COL19A1: variants seen among roughly 807,000 people sequenced by gnomAD.
COL19A1 encodes collagen type XIX alpha 1 chain, also known as collagen alpha-1(XIX) chain.
COL19A1 carries 159 observed loss-of-function variants against 190.2 expected under a neutral mutation model. That is an observed-to-expected ratio of 0.84 (90% CI 0.73 to 0.95). The LOEUF is 0.95. Ranked by LOEUF, COL19A1 falls within the 40% of genes least tolerant of loss-of-function variation. COL19A1 has a pLI of 0.00. For missense variants in COL19A1, 1,418 were observed against 1,431.9 expected (o/e 0.99, Z 0.16); for synonymous variants, 509 against 458.9 (o/e 1.11, Z -1.39).
rs1244588364 is a variant in COL19A1, at chr6:70,206,952, G to A, written c.3275G>A (p.Gly1092Glu). The change falls in exon 50 of 51, where the codon GGG becomes GAG. Residue 1092 changes from glycine to glutamate, a missense_variant. Transcript: ENST00000620364. Reference protein sequence around the residue: ...ERGEPGIGLPGSPGLPGTSAL... With the variant: ...ERGEPGIGLPESPGLPGTSAL... ...GGTGAACCTGGAATTGGGCTGCCAG[G>A]GAGTCCAGGTCTTCCTGGGACTTCA... is the stretch of plus-strand genomic sequence containing the variant. The A allele has an allele frequency of 3.7e-6, 6 of 1,613,856 alleles. No individual in the cohort carries two copies. Among genetic ancestry groups the A allele is most frequent in the African/African-American group, 1.3e-5 (1 of 74,992 alleles).
chr6:70,034,120 C>G, intron 12 of COL19A1, 125 bp from the exon 13 acceptor site: 1 of 703,384 alleles, frequency 1.4e-6, no homozygotes, highest in Non-Finnish European at 2.5e-6. Flanking sequence ...CTCTATTTCT[C>G]TCTATACTAC....
intron 4 of COL19A1, among the ~76,000 whole-genome samples, chr6:69,913,174 A>G (rs1487927506): frequency 6.6e-6 from 1 of 152,188 alleles, no homozygotes; most frequent in African/African-American, 2.4e-5. Flanking sequence ...TTTACCCACA[A>G]TAAGAATGTA....
At chr6:70,179,737 A>G (rs111318416) in intron 42 of COL19A1, among the ~76,000 whole-genome samples, 3 of 152,252 alleles carry the variant, frequency 2.0e-5, no homozygotes, top group African/African-American at 7.2e-5. Context: ...TTGGGCTAAT[A>G]TTTTCAAAAA....
At chr6:70,023,533 A>G in intron 11 of COL19A1, 94 bp from the exon 12 acceptor site, 1 of 979,492 alleles carries the variant, frequency 1.0e-6, no homozygotes, top group Non-Finnish European at 1.5e-6. Context: ...AAGTAATCAT[A>G]TTGTTATAAA....
rs190533935 is a variant in COL19A1, at chr6:69,897,191, G to T, written c.92-1757G>T. On this transcript the variant is annotated intron_variant, in intron 2 of 50. Coordinates refer to ENST00000620364, the MANE Select transcript of COL19A1 (RefSeq NM_001858.6). Reference sequence around the variant, plus strand: ...AAGGTTCAACATTCAGTGTTTTTCTGTATGGATATTCTGTTGACCCAGCAC... The same window carrying T: ...AAGGTTCAACATTCAGTGTTTTTCTTTATGGATATTCTGTTGACCCAGCAC... Among the ~76,000 whole-genome samples, 8 of 152,216 alleles carry T rather than the reference G, an allele frequency of 5.3e-5. No homozygotes were observed. In the East Asian group the frequency reaches 9.6e-4, roughly 18 times the overall value.
At position 70,146,670 on chromosome 6, in the gene COL19A1, A is replaced by G. The variant is rs746728299; in HGVS notation, c.1782A>G (p.Gly594=). 4 of 1,607,258 alleles carry G rather than the reference A, an allele frequency of 2.5e-6. No homozygotes were observed. In the South Asian group the frequency reaches 4.5e-5, roughly 18 times the overall value. The change falls in exon 26 of 51, where the codon GGA becomes GGG. Residue 594 remains glycine, a synonymous_variant. Transcript: ENST00000620364. ...TTTTTTTCTTTTAGGGATTAGATGG[A>G]AATCCTGGAGCACCTGGTCCACGTG... is the stretch of plus-strand genomic sequence containing the variant. The part of the protein sequence containing the change: ...KSLPGEPGLD[G]NPGAPGPRGP...
At chr6:69,909,833 G>T (rs1202133566) in intron 4 of COL19A1, among the ~76,000 whole-genome samples, 1 of 152,056 alleles carries the variant, frequency 6.6e-6, no homozygotes, top group Non-Finnish European at 1.5e-5. Flanking sequence ...TAGGTAATAG[G>T]CCTCTCATAT....
chr6:69,938,184 T>C, intron 9 of COL19A1, 84 bp downstream of exon 9: 1 of 1,276,050 alleles, frequency 7.8e-7, no homozygotes, highest in Non-Finnish European at 1.1e-6. Context: ...TTTTTCTTTA[T>C]TCTGTACAAA....
intron 1 of COL19A1, among the ~76,000 whole-genome samples, chr6:69,876,459 A>G (rs1039495180): frequency 3.9e-5 from 6 of 152,138 alleles, no homozygotes; most frequent in African/African-American, 1.4e-4. Flanking sequence ...AATTTTTCCA[A>G]TTATTGTTTA....
intron 2 of COL19A1, among the ~76,000 whole-genome samples, chr6:69,887,534 A>G (rs1162935689): frequency 6.6e-6 from 1 of 152,196 alleles, no homozygotes; most frequent in East Asian, 1.9e-4. Flanking sequence ...AAAACCCAGA[A>G]GCCTTCTGTG....
intron 15 of COL19A1, among the ~76,000 whole-genome samples, chr6:70,068,717 C>G (rs538704583): frequency 1.3e-5 from 2 of 151,756 alleles, no homozygotes; most frequent in South Asian, 4.2e-4. Flanking sequence ...TGAATTAGCC[C>G]TAATTTGATC....
At chr6:70,206,249 G>A (rs1010234248) in intron 49 of COL19A1, among the ~76,000 whole-genome samples, 1 of 152,124 alleles carries the variant, frequency 6.6e-6, no homozygotes, top group Non-Finnish European at 1.5e-5. Flanking sequence ...TCCTACTGAA[G>A]AGGGCTCACA....
chr6:70,069,359 C>G lies in COL19A1; in HGVS notation c.1224+883C>G, dbSNP rs148383682. ...GTTCTGCCTTCTGTAAAATAAGTCT[C>G]TTTCCTCAACTACAAATATTTGAGG... On this transcript the variant is annotated intron_variant, in intron 15 of 50. Transcript: ENST00000620364. Among the ~76,000 whole-genome samples the G allele has an allele frequency of 2.7e-3, 405 of 152,226 alleles. 2 individuals carry two copies. The highest frequency in any genetic ancestry group is 7.6e-3 in the African/African-American group (315 of 41,560).
intron 18 of COL19A1, among the ~76,000 whole-genome samples, chr6:70,136,184 T>C (rs1275826232): frequency 1.3e-5 from 2 of 152,198 alleles, no homozygotes; most frequent in Non-Finnish European, 2.9e-5. Flanking sequence ...GTCTATCCAT[T>C]ACAGAAAATC....
At chr6:70,059,896 G>A (rs760782316) in intron 14 of COL19A1, 3 of 348,776 alleles carry the variant, frequency 8.6e-6, no homozygotes, top group Non-Finnish European at 1.1e-5. Flanking sequence ...ACATTGATAG[G>A]CATTTTTCAT....
intron 15 of COL19A1, among the ~76,000 whole-genome samples, chr6:70,073,217 A>G (rs1484957994): frequency 1.3e-5 from 2 of 151,936 alleles, no homozygotes; most frequent in Admixed American, 6.6e-5. Context: ...CAAACTCCTG[A>G]CCTCAGGTGA....
intron 48 of COL19A1, among the ~76,000 whole-genome samples, chr6:70,195,133 G>GACAAT (rs1193183065): frequency 1.2e-5 from 1 of 84,524 alleles, no homozygotes; most frequent in Admixed American, 1.0e-4. Flanking sequence ...ATACATCATT[G>GACAAT]ATGATATATA....
chr6:70,057,826 C>A (rs1426669785), intron 14 of COL19A1, among the ~76,000 whole-genome samples: 4 of 152,058 alleles, frequency 2.6e-5, no homozygotes, highest in Non-Finnish European at 5.9e-5. Flanking sequence ...ATAGCTATGG[C>A]AGTTAATATT....
rs1765312988 is a variant in COL19A1, at chr6:70,168,640, A to G, written c.2542-15A>G. The G allele has an allele frequency of 2.5e-6, 4 of 1,612,124 alleles. No homozygotes were observed. Among genetic ancestry groups the G allele is most frequent in the Non-Finnish European group, 1.7e-6 (2 of 1,179,216 alleles). On this transcript the variant is annotated splice_polypyrimidine_tract_variant and intron_variant, in intron 39 of 50. Coordinates refer to ENST00000620364, the MANE Select transcript of COL19A1 (RefSeq NM_001858.6). ...GTCATTATTTGAAAAATGACTTTCC[A>G]TGTTTCTCTTACAGGGCCCAAAAGG...
Sources: allele counts gnomAD v4.1 joint callset (sites outside exome capture counted in the v4.1 genomes callset), GRCh38; gene constraint gnomAD v4.1.1; transcripts MANE v1.5; gene names NCBI Gene and HGNC (gene_info 2026-07-23, HGNC 2026-07-21).